The following PTPN13 variants were observed in gnomAD, a reference collection of about 807,000 sequenced individuals.
PTPN13 encodes protein tyrosine phosphatase non-receptor type 13.
In PTPN13, 191 loss-of-function variants were observed where a neutral mutation model predicts 284.0. That is an observed-to-expected ratio of 0.67 (90% CI 0.60 to 0.76). PTPN13 has a LOEUF of 0.76. PTPN13 is among the 30% of genes least tolerant of loss of function. The pLI, the probability that PTPN13 is intolerant of heterozygous loss-of-function variation, is 0.00. For synonymous variants in PTPN13, 986 were observed against 1,022.3 expected (o/e 0.96, Z 0.68); for missense variants, 2,797 against 2,939.9 (o/e 0.95, Z 1.12).
At chr4:86,600,959 T>A (rs1197190210) in intron 1 of PTPN13, among the ~76,000 whole-genome samples, 1 of 152,052 alleles carries the variant, frequency 6.6e-6, no homozygotes, top group African/African-American at 2.4e-5. Flanking sequence ...TTTCTGACTT[T>A]AGCTGAGATG....
At chr4:86,764,421 T>C (rs1739048191) in intron 24 of PTPN13, among the ~76,000 whole-genome samples, 172 bp from the exon 25 acceptor site, 1 of 152,194 alleles carries the variant, frequency 6.6e-6, no homozygotes, top group Admixed American at 6.5e-5. Flanking sequence ...CTTTAATATC[T>C]TGCTTTTTCA....
At position 86,695,648 on chromosome 4, in the gene PTPN13, CTCTT is replaced by C. The variant is rs556963647; in HGVS notation, c.634+1980_634+1983del. Among the ~76,000 whole-genome samples the C allele has an allele frequency of 8.6e-5, 13 of 151,944 alleles. No individual in the cohort carries two copies. The East Asian group carries it at 2.5e-3, about 29-fold the overall frequency. On this transcript the variant is annotated intron_variant, in intron 6 of 47. Coordinates refer to ENST00000411767, the MANE Select transcript of PTPN13 (RefSeq NM_080683.3). ...ACTTATCTTTTTCTATTTTCTCCCT[CTCTT>C]TCTTTGCTCTCTCCACCTCCCTCTT...
chr4:86,784,335 T>C, intron 37 of PTPN13, 130 bp from the exon 38 acceptor site: 2 of 589,272 alleles, frequency 3.4e-6, no homozygotes. Flanking sequence ...TTTCAAACAC[T>C]GATCTAAGGT....
intron 2 of PTPN13, among the ~76,000 whole-genome samples, chr4:86,640,416 A>G (rs1423500724): frequency 6.6e-6 from 1 of 152,202 alleles, no homozygotes; most frequent in Non-Finnish European, 1.5e-5. Flanking sequence ...TATTCAGTCA[A>G]TTAATAATTG....
chr4:86,710,443 T>G (rs1732263359), intron 7 of PTPN13, among the ~76,000 whole-genome samples: 2 of 152,214 alleles, frequency 1.3e-5, no homozygotes, highest in South Asian at 4.1e-4. Flanking sequence ...TTGTGTTGGC[T>G]TAGATTCATC....
chr4:86,721,768 C>G (rs950508490), intron 9 of PTPN13, among the ~76,000 whole-genome samples: 1 of 137,462 alleles, frequency 7.3e-6, no homozygotes, highest in Non-Finnish European at 1.5e-5. Flanking sequence ...TTCCTCTCCT[C>G]TCTTCTGTCA....
At chr4:86,670,974 A>G (rs2148889007) in intron 2 of PTPN13, among the ~76,000 whole-genome samples, 1 of 152,324 alleles carries the variant, frequency 6.6e-6, no homozygotes, top group East Asian at 1.9e-4. Context: ...AGTCTGATGT[A>G]TGATTGGTTA....
At chr4:86,798,365 C>G (rs1050823559) in intron 41 of PTPN13, among the ~76,000 whole-genome samples, 1 of 152,164 alleles carries the variant, frequency 6.6e-6, no homozygotes, top group Non-Finnish European at 1.5e-5. Context: ...ATAAAAGCAG[C>G]GTAATTGCTG....
chr4:86,764,768 T>C, intron 25 of PTPN13, 44 bp downstream of exon 25: 1 of 1,568,482 alleles, frequency 6.4e-7, no homozygotes, highest in Non-Finnish European at 8.6e-7. Context: ...TTCTTTAATT[T>C]CCAGCAGCCT....
At chr4:86,791,044 C>A (rs950960390) in intron 40 of PTPN13, among the ~76,000 whole-genome samples, 5 of 152,102 alleles carry the variant, frequency 3.3e-5, no homozygotes, top group Non-Finnish European at 5.9e-5. Flanking sequence ...TGGGGCGTCG[C>A]CTCACACGGG....
chr4:86,731,836 C>A (rs10028704), intron 10 of PTPN13, among the ~76,000 whole-genome samples: 1 of 152,076 alleles, frequency 6.6e-6, no homozygotes, highest in African/African-American at 2.4e-5. Flanking sequence ...GAAACAGGGT[C>A]TAACTATGTT....
rs945709088 is a variant in PTPN13 at position 86,677,991 on chromosome 4, C to T, written c.294+5448C>T. 3.9e-5 allele frequency among the ~76,000 whole-genome samples: 6 copies of T among 152,208 alleles called. No individual in the cohort carries two copies. The South Asian group carries it at 1.2e-3, about 32-fold the overall frequency. ...GCCATTTGCAGTTGGTGGGTCTCCC[C>T]TAGAGCACTAGAACATGTTTTGGTT... On this transcript the variant is annotated intron_variant, in intron 3 of 47. Transcript: ENST00000411767.
In PTPN13 at chr4:86,606,608, G is replaced by T. The variant is rs535369044; in HGVS notation, c.-6+11819G>T. Among the ~76,000 whole-genome samples the T allele has an allele frequency of 1.2e-4, 18 of 151,808 alleles. No homozygotes were observed. The South Asian group carries it at 3.7e-3, about 31-fold the overall frequency. On this transcript the variant is annotated intron_variant, in intron 1 of 47. Coordinates refer to ENST00000411767, the MANE Select transcript of PTPN13 (RefSeq NM_080683.3). ...TTCCTAAAAAGTTTCTAAATGAATC[G>T]CATCTTTCCATCTGAAAATCAGATA...
chr4:86,769,753 A>T lies in PTPN13; in HGVS notation c.4490-16A>T, dbSNP rs751776250. The stretch of plus-strand genomic sequence containing the variant: ...TGTTAATAATATCTAAATTTTTTTT[A>T]TATCTTTTTCTCCAGAAAATACATT... On this transcript the variant is annotated splice_polypyrimidine_tract_variant and intron_variant, in intron 28 of 47. Transcript: ENST00000411767. The T allele has an allele frequency of 6.6e-7, 1 of 1,505,306 alleles. No homozygotes were observed. Among genetic ancestry groups the T allele is most frequent in the Admixed American group, 2.0e-5 (1 of 51,234 alleles). The allele number at this position is 1,505,306 out of a possible 1,614,324, so 93.2% of individuals were successfully genotyped here.
At chr4:86,689,396 G>C (rs530599730) in intron 5 of PTPN13, among the ~76,000 whole-genome samples, 30 of 152,182 alleles carry the variant, frequency 2.0e-4, no homozygotes, top group African/African-American at 7.2e-4. Context: ...GATTTTGTGA[G>C]AATTATTCCC....
intron 2 of PTPN13, among the ~76,000 whole-genome samples, chr4:86,641,815 A>G (rs927445852): frequency 6.6e-6 from 1 of 152,214 alleles, no homozygotes; most frequent in Non-Finnish European, 1.5e-5. Context: ...GATCTTACAC[A>G]TGATCTATCT....
At chr4:86,648,854 A>C (rs988128878) in intron 2 of PTPN13, among the ~76,000 whole-genome samples, 1 of 152,202 alleles carries the variant, frequency 6.6e-6, no homozygotes. Flanking sequence ...CCAACAGTAT[A>C]CAAGGGTTCC....
At chr4:86,787,701 A>C (rs749390168) in intron 40 of PTPN13, among the ~76,000 whole-genome samples, 1 of 152,216 alleles carries the variant, frequency 6.6e-6, no homozygotes, top group Non-Finnish European at 1.5e-5. Context: ...TCAAAACATA[A>C]ATATTTGTAT....
chr4:86,814,291 C>A (rs1331647125), intron 47 of PTPN13, among the ~76,000 whole-genome samples, 165 bp from the exon 48 acceptor site: 1 of 151,848 alleles, frequency 6.6e-6, no homozygotes, highest in African/African-American at 2.4e-5. Context: ...AGGTGTGAGC[C>A]ACCGCGCCCA....
Sources: allele counts gnomAD v4.1 joint callset (sites outside exome capture counted in the v4.1 genomes callset), GRCh38; gene constraint gnomAD v4.1.1; transcripts MANE v1.5; gene names NCBI Gene and HGNC (gene_info 2026-07-23, HGNC 2026-07-21).